The following RASGRP3 variants were observed in gnomAD, a reference collection of about 807,000 sequenced individuals.
RASGRP3 encodes ras guanyl-releasing protein 3.
In RASGRP3, 54 loss-of-function variants were observed where a neutral mutation model predicts 82.7. That is an observed-to-expected ratio of 0.65 (90% CI 0.52 to 0.82). The LOEUF is 0.82. RASGRP3 is among the 40% of genes least tolerant of loss of function. RASGRP3 has a pLI of 0.00. For synonymous variants in RASGRP3, 309 were observed against 300.5 expected, an observed-to-expected ratio of 1.03 and a Z score of -0.29; for missense variants, 861 against 828.9, an observed-to-expected ratio of 1.04 and a Z score of -0.48.
chr2:33,558,334 C>G lies in RASGRP3; in HGVS notation c.1703C>G (p.Pro568Arg). 1.2e-6 allele frequency: 2 copies of G among 1,613,298 alleles called. No individual in the cohort carries two copies. Among genetic ancestry groups the G allele is most frequent in the Non-Finnish European group, 1.7e-6 (2 of 1,179,888 alleles). Reference protein sequence around the residue: ...GSLPGSPSLPPAQDEVFEFPG... With the variant: ...GSLPGSPSLPRAQDEVFEFPG... ...CTGCCTGGAAGCCCCTCGCTGCCCC[C>G]AGGTAATGCCCTCTGCTTTCTTTGC... The change falls in exon 16 of 18, where the codon CCA becomes CGA. Residue 568 changes from proline (P) to arginine (R), a missense_variant and splice_region_variant. Pro to Arg is a moderately radical substitution (Grantham distance 103). Coordinates refer to ENST00000403687, the MANE Select transcript of RASGRP3 (RefSeq NM_001139488.2).
chr2:33,501,687 A>G (rs1296004031), intron 1 of RASGRP3, among the ~76,000 whole-genome samples: 2 of 152,214 alleles, frequency 1.3e-5, no homozygotes, highest in African/African-American at 2.4e-5. Context: ...GTTTGGAGTC[A>G]TCAACGTAGA....
rs147708112 is a variant in RASGRP3, at chr2:33,540,521, A to T, written c.1278+1311A>T. Among the ~76,000 whole-genome samples, 65 of 120,688 alleles carry T rather than the reference A, an allele frequency of 5.4e-4. 1 individual carries two copies. Among genetic ancestry groups the T allele is most frequent in the African/African-American group, 1.8e-3 (60 of 33,346 alleles). The allele number at this position is 120,688 out of a possible 152,430, so 79.2% of individuals were successfully genotyped here. A position where few individuals can be genotyped will look rare whatever the true frequency, so the allele number is the denominator to read the frequency against. On this transcript the variant is annotated intron_variant, in intron 12 of 17. Coordinates refer to ENST00000403687, the MANE Select transcript of RASGRP3 (RefSeq NM_001139488.2). Reference sequence around the variant, plus strand: ...CTGACTTCCTCAGTCCACATGCGGAATTTCTCTCTCTCTCTCTCTCTCTGT... The same window carrying T: ...CTGACTTCCTCAGTCCACATGCGGATTTTCTCTCTCTCTCTCTCTCTCTGT...
chr2:33,498,262 A>G (rs567512083), intron 1 of RASGRP3, among the ~76,000 whole-genome samples: 3 of 152,328 alleles, frequency 2.0e-5, no homozygotes, highest in East Asian at 1.9e-4. Context: ...CAACCCTACA[A>G]CACAGACATT....
chr2:33,493,299 C>G (rs999745933), intron 1 of RASGRP3: 12 of 152,384 alleles, frequency 7.9e-5, no homozygotes, highest in African/African-American at 2.9e-4. Context: ...CTGCCATTGT[C>G]TGATGTGGGT....
At chr2:33,475,459 G>C (rs564023721), upstream of RASGRP3, among the ~76,000 whole-genome samples, 62 of 152,330 alleles carry the variant, frequency 4.1e-4, no homozygotes, top group African/African-American at 1.5e-3. Context: ...AAGATATTAT[G>C]TGTTAAAAAT....
chr2:33,537,318 A>AC (rs1553359062), intron 11 of RASGRP3, among the ~76,000 whole-genome samples: 4 of 40,616 alleles, frequency 9.8e-5, no homozygotes, highest in African/African-American at 1.9e-4. Flanking sequence ...ACACACACAC[A>AC]CACCGCCCCC....
intron 11 of RASGRP3, among the ~76,000 whole-genome samples, chr2:33,535,262 A>T (rs1453855021): frequency 1.8e-4 from 28 of 152,220 alleles, no homozygotes. Context: ...GCATTATTGA[A>T]TATACACCAC....
chr2:33,545,496 G>C (rs1674645528), intron 13 of RASGRP3, among the ~76,000 whole-genome samples: 1 of 152,178 alleles, frequency 6.6e-6, no homozygotes, highest in African/African-American at 2.4e-5. Context: ...GTCCCTAGGA[G>C]GGGAGATGAG....
chr2:33,555,999 A>G (rs1322186349), intron 15 of RASGRP3, among the ~76,000 whole-genome samples: 1 of 152,188 alleles, frequency 6.6e-6, no homozygotes, highest in East Asian at 1.9e-4. Flanking sequence ...AAACGAGGAG[A>G]AAACTTAAAA....
chr2:33,450,814 C>CTTTTTTTTTTTTTTTT (rs1665745631), intron 2 of RASGRP3, among the ~76,000 whole-genome samples: 1 of 30,658 alleles, frequency 3.3e-5, no homozygotes, highest in Non-Finnish European at 7.9e-5. Flanking sequence ...TTTTCTCTTT[C>CTTTTTTTTTTTTTTTT]TTTCTTTCTT....
chr2:33,546,622 A>C (rs960187530), intron 13 of RASGRP3, among the ~76,000 whole-genome samples: 12 of 152,170 alleles, frequency 7.9e-5, no homozygotes, highest in African/African-American at 2.9e-4. Flanking sequence ...AGGAATAGAA[A>C]TCATTCTACA....
chr2:33,515,299 G>T (rs1483424204), intron 3 of RASGRP3, 93 bp downstream of exon 3: 3 of 1,340,554 alleles, frequency 2.2e-6, no homozygotes, highest in Non-Finnish European at 3.2e-6. Context: ...ACAGAGTTCA[G>T]TCTCTGTACC....
chr2:33,471,341 A>ATTTTT (rs70940204), intron 2 of RASGRP3, among the ~76,000 whole-genome samples: 189 of 106,748 alleles, frequency 1.8e-3, no homozygotes, highest in African/African-American at 4.0e-3. Flanking sequence ...ACACTGGGCT[A>ATTTTT]TTTTTTTTTT....
chr2:33,548,259 G>C (rs1675002891), intron 13 of RASGRP3, among the ~76,000 whole-genome samples: 2 of 151,310 alleles, frequency 1.3e-5, no homozygotes, highest in South Asian at 4.2e-4. Flanking sequence ...TACTCGGGAG[G>C]CTGAGGCAGG....
At chr2:33,548,825 A>G (rs191911585) in intron 13 of RASGRP3, among the ~76,000 whole-genome samples, 1 of 151,754 alleles carries the variant, frequency 6.6e-6, no homozygotes, top group African/African-American at 2.4e-5. Context: ...AGTAGCTGGG[A>G]TTATAGGCAC....
At chr2:33,525,699 C>CGAA (rs1220564868) in intron 9 of RASGRP3, among the ~76,000 whole-genome samples, 1 of 54,396 alleles carries the variant, frequency 1.8e-5, no homozygotes, top group Non-Finnish European at 3.0e-5. Context: ...CCTGTCTCTA[C>CGAA]AAAAAAAAAA....
intron 1 of RASGRP3, among the ~76,000 whole-genome samples, chr2:33,496,093 T>C (rs1225967806): frequency 6.6e-6 from 1 of 152,246 alleles, no homozygotes; most frequent in Admixed American, 6.5e-5. Flanking sequence ...TAACAAAAAA[T>C]ATACATCTAG....
intron 2 of RASGRP3, among the ~76,000 whole-genome samples, chr2:33,449,490 G>A (rs924913502): frequency 9.9e-5 from 15 of 152,232 alleles, no homozygotes; most frequent in Admixed American, 2.6e-4. Context: ...GGCCGGGCGC[G>A]GTGGCTCACG....
At chr2:33,462,354 A>G (rs1210868735) in intron 2 of RASGRP3, among the ~76,000 whole-genome samples, 3 of 150,482 alleles carry the variant, frequency 2.0e-5, no homozygotes, top group Non-Finnish European at 4.4e-5. Context: ...TGAGAACAAG[A>G]GGATGTAGAG....
Sources: gnomAD v4.1 joint callset for allele counts (sites outside exome capture counted in the v4.1 genomes callset) on GRCh38, gnomAD v4.1.1 for gene constraint, MANE v1.5 for transcripts, NCBI Gene and HGNC (gene_info 2026-07-23, HGNC 2026-07-21) for gene names.